RGL1: variants seen among roughly 807,000 people sequenced by gnomAD.
RGL1 encodes ral guanine nucleotide dissociation stimulator-like 1.
Under a neutral mutation model 95.2 loss-of-function variants are expected in RGL1, and 24 were observed. That is an observed-to-expected ratio of 0.25 (90% CI 0.18 to 0.35). The LOEUF (loss-of-function observed/expected upper bound fraction) is 0.35, where lower values mean the gene tolerates loss of function less well. RGL1 is among the 10% of genes least tolerant of loss of function. RGL1 has a pLI of 1.00. For synonymous variants in RGL1, 329 were observed against 344.9 expected (o/e 0.95, Z 0.51); for missense variants, 715 against 936.3 (o/e 0.76, Z 3.08).
At chr1:183,886,297 T>A (rs1667105200) in intron 7 of RGL1, among the ~76,000 whole-genome samples, 1 of 152,210 alleles carries the variant, frequency 6.6e-6, no homozygotes, top group Admixed American at 6.5e-5. Flanking sequence ...CTATTTCTCC[T>A]ATTCTAAATC....
chr1:183,703,597 C>T (rs35641542), intron 1 of RGL1, among the ~76,000 whole-genome samples: 32,065 of 152,130 alleles, frequency 0.21, 4,461 homozygotes, highest in Non-Finnish European at 0.3. Context: ...TTTCCATTAT[C>T]GTCTATGTTA....
chr1:183,690,080 A>G (rs1055679932), intron 1 of RGL1, among the ~76,000 whole-genome samples: 4 of 152,124 alleles, frequency 2.6e-5, no homozygotes, highest in Non-Finnish European at 5.9e-5. Context: ...GCCACAAGTT[A>G]ATTTGGGCTC....
chr1:183,692,816 C>T (rs1196214977), intron 1 of RGL1, among the ~76,000 whole-genome samples: 1 of 152,114 alleles, frequency 6.6e-6, no homozygotes, highest in Non-Finnish European at 1.5e-5. Flanking sequence ...GGTCATGGAA[C>T]TGTTCTGGAT....
chr1:183,737,295 TG>T (rs1657000018), intron 1 of RGL1, among the ~76,000 whole-genome samples: 1 of 152,240 alleles, frequency 6.6e-6, no homozygotes, highest in Non-Finnish European at 1.5e-5. Flanking sequence ...CATTTACTTT[TG>T]GTGCATAATG....
At chr1:183,740,546 A>G (rs919877382) in intron 1 of RGL1, among the ~76,000 whole-genome samples, 2 of 152,238 alleles carry the variant, frequency 1.3e-5, no homozygotes, top group African/African-American at 4.8e-5. Context: ...TAGTGGGTTA[A>G]GTGAGCATAA....
intron 2 of RGL1, among the ~76,000 whole-genome samples, chr1:183,829,382 C>T (rs1441132553): frequency 6.6e-6 from 1 of 150,876 alleles, no homozygotes; most frequent in Non-Finnish European, 1.5e-5. Flanking sequence ...GTGGAGGTTG[C>T]ATGAACCATG....
At chr1:183,639,724 AAAT>A (rs140779010) in intron 1 of RGL1, among the ~76,000 whole-genome samples, 10,362 of 152,112 alleles carry the variant, frequency 0.068, 622 homozygotes, top group African/African-American at 0.16. Flanking sequence ...TCAGGGAAAA[AAAT>A]CTCTAAATAC....
chr1:183,735,054 C>T (rs1422163628), intron 1 of RGL1, among the ~76,000 whole-genome samples: 1 of 147,688 alleles, frequency 6.8e-6, no homozygotes, highest in Non-Finnish European at 1.5e-5. Flanking sequence ...AGTACAAACC[C>T]ACTCTGGATT....
intron 1 of RGL1, among the ~76,000 whole-genome samples, chr1:183,637,866 G>C (rs1649657817): frequency 6.6e-6 from 1 of 152,024 alleles, no homozygotes; most frequent in South Asian, 2.1e-4. Flanking sequence ...TCATTACTAT[G>C]GTGAATGGCG....
At chr1:183,650,142 C>G (rs1359986881) in intron 1 of RGL1, among the ~76,000 whole-genome samples, 1 of 152,160 alleles carries the variant, frequency 6.6e-6, no homozygotes, top group Non-Finnish European at 1.5e-5. Context: ...TCTATTCCCT[C>G]CAGTCTTTTT....
intron 4 of RGL1, among the ~76,000 whole-genome samples, chr1:183,869,911 G>A (rs929135647): frequency 1.1e-4 from 17 of 152,190 alleles, no homozygotes; most frequent in Admixed American, 3.9e-4. Context: ...TTCTCAACAG[G>A]GCGATTGTTA....
chr1:183,834,161 G>C (rs1663469844), intron 2 of RGL1, among the ~76,000 whole-genome samples: 1 of 151,960 alleles, frequency 6.6e-6, no homozygotes, highest in Non-Finnish European at 1.5e-5. Flanking sequence ...CTATTAATTT[G>C]TTGTATCTCT....
intron 8 of RGL1, among the ~76,000 whole-genome samples, chr1:183,889,515 T>C (rs916136917): frequency 7.9e-5 from 12 of 152,154 alleles, no homozygotes; most frequent in Non-Finnish European, 1.8e-4. Flanking sequence ...CTCAGTTTCA[T>C]AAGTTTACTC....
At chr1:183,719,942 C>A (rs759335636) in intron 1 of RGL1, among the ~76,000 whole-genome samples, 11 of 151,602 alleles carry the variant, frequency 7.3e-5, no homozygotes, top group Non-Finnish European at 1.6e-4. Context: ...GGAAAGGGGA[C>A]CTTGGGAGCA....
intron 1 of RGL1, among the ~76,000 whole-genome samples, chr1:183,664,128 C>G (rs189208694): frequency 0.013 from 1,940 of 151,294 alleles, 46 homozygotes; most frequent in African/African-American, 0.043. Flanking sequence ...ACAAGTTAAT[C>G]GGTGCAGCAC....
rs189961209 is a variant in RGL1 at position 183,680,676 on chromosome 1, A to G, written c.-33+44175A>G. On this transcript the variant is annotated intron_variant, in intron 1 of 18. Transcript: ENST00000304685. ...GCTATACAGGCTCTTTTTTGGTTCC[A>G]TATGGCATTTAAAGTAGTTTTTTTC... Among the ~76,000 whole-genome samples, 497 of 152,268 alleles carry G rather than the reference A, an allele frequency of 3.3e-3. 3 individuals carry two copies. The highest frequency in any genetic ancestry group is 0.012 in the African/African-American group (482 of 41,548).
intron 1 of RGL1, among the ~76,000 whole-genome samples, chr1:183,699,475 C>G (rs900352752): frequency 1.3e-5 from 2 of 152,110 alleles, no homozygotes; most frequent in African/African-American, 4.8e-5. Flanking sequence ...TAGAGTGGAG[C>G]AAGTGATGAA....
chr1:183,767,064 A>G (rs1659008217), intron 2 of RGL1, among the ~76,000 whole-genome samples: 1 of 151,904 alleles, frequency 6.6e-6, no homozygotes, highest in Non-Finnish European at 1.5e-5. Flanking sequence ...AAAAATTAAA[A>G]AAAAAATTAG....
At chr1:183,786,565 G>A (rs1362147675) in intron 2 of RGL1, among the ~76,000 whole-genome samples, 2 of 152,116 alleles carry the variant, frequency 1.3e-5, no homozygotes, top group African/African-American at 4.8e-5. Context: ...TGTCACATTG[G>A]CACTCAAAAA....
Sources: gnomAD v4.1 joint callset for allele counts (sites outside exome capture counted in the v4.1 genomes callset) on GRCh38, gnomAD v4.1.1 for gene constraint, MANE v1.5 for transcripts, NCBI Gene and HGNC (gene_info 2026-07-23, HGNC 2026-07-21) for gene names.